Variants in MSTO1 observed in about 807,000 individuals in gnomAD.
MSTO1 encodes misato mitochondrial distribution and morphology regulator 1.
In MSTO1, 24 loss-of-function variants were observed where a neutral mutation model predicts 55.7. The observed-to-expected ratio is 0.43, with a 90% confidence interval of 0.31 to 0.61. The LOEUF (loss-of-function observed/expected upper bound fraction) is 0.61. Among genes scored for constraint, MSTO1 ranks in the 20% least tolerant of loss-of-function variants. The probability of loss-of-function intolerance (pLI) is 0.09; values close to 1 mark genes in which losing one functional copy is unlikely to be tolerated. For synonymous variants in MSTO1, 162 were observed against 252.8 expected, an observed-to-expected ratio of 0.64 and a Z score of 3.41; for missense variants, 363 against 625.7, an observed-to-expected ratio of 0.58 and a Z score of 4.48.
chr1:155,583,966 A>G, the MSTO1 span, among the ~76,000 whole-genome samples: 1 of 152,222 alleles, frequency 6.6e-6, no homozygotes, highest in Non-Finnish European at 1.5e-5. Context: ...GCAGGCCAGT[A>G]GAGACCACCC....
chr1:155,573,709 G>T, the MSTO1 span, among the ~76,000 whole-genome samples: 5 of 151,838 alleles, frequency 3.3e-5, no homozygotes, highest in South Asian at 2.1e-4. Flanking sequence ...GTGGTGGCAG[G>T]TGCCTGTAAT....
chr1:155,612,190 G>T lies in MSTO1; in HGVS notation c.687G>T (p.Gln229His). ...CACTCACCCCCGTCCAGGGCTTCCA[G>T]ATCCTGTGTGACCTGCACGATGGCT... ...VEECDYLQGFQILCDLHDGFS... is the reference protein window; with the variant it reads ...VEECDYLQGFHILCDLHDGFS... The change falls in exon 8 of 14, where the codon CAG (glutamine) becomes CAT (histidine). Residue 229 changes from glutamine (Q) to histidine (H), a missense_variant. This residue lies in a region of MSTO1 where 94 missense variants were observed against 212.4 expected (regional missense o/e 0.44). Transcript: ENST00000245564. The T allele has an allele frequency of 6.2e-7, 1 of 1,613,916 alleles. No homozygotes were observed. Among genetic ancestry groups the T allele is most frequent in the Non-Finnish European group, 8.5e-7 (1 of 1,179,878 alleles).
the MSTO1 span, among the ~76,000 whole-genome samples, chr1:155,566,542 C>T: frequency 6.6e-6 from 1 of 152,052 alleles, no homozygotes; most frequent in Non-Finnish European, 1.5e-5. Flanking sequence ...GCCATGATCA[C>T]ACACCACTGC....
chr1:155,565,126 G>GA, the MSTO1 span, among the ~76,000 whole-genome samples: 161 of 146,332 alleles, frequency 1.1e-3, 1 homozygote, highest in Admixed American at 7.5e-3. Flanking sequence ...GTCTTAAAAA[G>GA]AAAAAAAAAA....
chr1:155,597,342 C>A, the MSTO1 span, among the ~76,000 whole-genome samples: 1 of 150,700 alleles, frequency 6.6e-6, no homozygotes, highest in African/African-American at 2.4e-5. Context: ...TAGTGGCGGG[C>A]GCCTGTAGTC....
the MSTO1 span, among the ~76,000 whole-genome samples, chr1:155,582,518 G>A: frequency 6.6e-6 from 1 of 152,048 alleles, no homozygotes; most frequent in Non-Finnish European, 1.5e-5. Flanking sequence ...GGAGTGCAGT[G>A]GCACGATCTC....
chr1:155,564,810 G>A, the MSTO1 span, among the ~76,000 whole-genome samples: 2 of 152,096 alleles, frequency 1.3e-5, no homozygotes, highest in South Asian at 2.1e-4. Context: ...ACAGGCTAGC[G>A]CAAAGCAAGT....
the MSTO1 span, among the ~76,000 whole-genome samples, chr1:155,601,712 T>C: frequency 1.3e-5 from 2 of 152,186 alleles, no homozygotes. Context: ...TCCAGTTCAA[T>C]ACAGTTTCTG....
the MSTO1 span, among the ~76,000 whole-genome samples, chr1:155,575,312 G>A: frequency 1.3e-5 from 2 of 152,086 alleles, no homozygotes; most frequent in Non-Finnish European, 2.9e-5. Flanking sequence ...TAGTGGGTGT[G>A]AAGTGGTATC....
chr1:155,588,935 T>C, the MSTO1 span, among the ~76,000 whole-genome samples: 47 of 152,264 alleles, frequency 3.1e-4, no homozygotes, highest in Middle Eastern at 3.4e-3. Flanking sequence ...TATTATAAAA[T>C]GAAACGAAAG....
the MSTO1 span, chr1:155,563,780 AAAT>A: frequency 5.6e-6 from 2 of 354,558 alleles, no homozygotes; most frequent in African/African-American, 2.1e-5. Flanking sequence ...TTAATGTGTG[AAAT>A]AATAAGATAA....
At chr1:155,609,245 T>TATATATATATATATA (rs1673298925), upstream of MSTO1, among the ~76,000 whole-genome samples, 1 of 67,786 alleles carries the variant, frequency 1.5e-5, no homozygotes, top group Non-Finnish European at 3.1e-5. Context: ...ATATATATAT[T>TATATATATATATATA]TTTTTTTTTT....
chr1:155,586,816 C>T, the MSTO1 span: 7 of 288,468 alleles, frequency 2.4e-5, no homozygotes, highest in African/African-American at 8.9e-5. Flanking sequence ...GGCGCAATCT[C>T]GGCTTGCTGC....
the MSTO1 span, among the ~76,000 whole-genome samples, chr1:155,577,592 G>A: frequency 6.6e-6 from 1 of 152,180 alleles, no homozygotes; most frequent in Non-Finnish European, 1.5e-5. Flanking sequence ...TGACCATGAT[G>A]TAAGCGTATG....
At chr1:155,605,110 A>C in the MSTO1 span, among the ~76,000 whole-genome samples, 1 of 151,976 alleles carries the variant, frequency 6.6e-6, no homozygotes, top group African/African-American at 2.4e-5. Flanking sequence ...AATATACAAA[A>C]ATTAGCCAGG....
At chr1:155,593,429 T>G in the MSTO1 span, among the ~76,000 whole-genome samples, 6 of 152,328 alleles carry the variant, frequency 3.9e-5, no homozygotes, top group Non-Finnish European at 8.8e-5. Context: ...AAAATAGATA[T>G]TTTAAAGTGA....
the MSTO1 span, among the ~76,000 whole-genome samples, chr1:155,570,524 A>G: frequency 6.6e-6 from 1 of 152,186 alleles, no homozygotes; most frequent in Non-Finnish European, 1.5e-5. Flanking sequence ...GATATTAGCT[A>G]CATCAGAATT....
At chr1:155,607,892 G>A (rs1275806082), upstream of MSTO1, among the ~76,000 whole-genome samples, 1 of 152,238 alleles carries the variant, frequency 6.6e-6, no homozygotes, top group Non-Finnish European at 1.5e-5. Context: ...AGCTACTTGG[G>A]AGGCTGAGGT....
the MSTO1 span, chr1:155,563,974 A>G: frequency 5.7e-6 from 1 of 176,454 alleles, no homozygotes; most frequent in Non-Finnish European, 1.2e-5. Flanking sequence ...GCTACTGAAT[A>G]TTTGTTTCTC....
Sources: gnomAD v4.1 joint callset for allele counts (sites outside exome capture counted in the v4.1 genomes callset) on GRCh38, gnomAD v4.1.1 for gene constraint, gnomAD v4.1.1 regional missense constraint, MANE v1.5 for transcripts, NCBI Gene and HGNC (gene_info 2026-07-23, HGNC 2026-07-21) for gene names.